LHFPL6: variants seen among roughly 807,000 people sequenced by gnomAD.
The protein encoded by LHFPL6 is LHFPL tetraspan subfamily member 6 protein.
LHFPL6 carries 9 observed loss-of-function variants against 20.6 expected under a neutral mutation model. The ratio of observed to expected loss-of-function variants is 0.44; its 90% CI spans 0.26 to 0.76. The LOEUF is 0.76. Among genes scored for constraint, LHFPL6 ranks in the 30% least tolerant of loss-of-function variants. LHFPL6 has a pLI of 0.20. For missense variants in LHFPL6, 218 were observed against 253.5 expected (o/e 0.86, Z 0.95); for synonymous variants, 105 against 98.7 (o/e 1.06, Z -0.38).
chr13:39,460,430 C>A (rs1435039852), intron 2 of LHFPL6, among the ~76,000 whole-genome samples: 1 of 152,134 alleles, frequency 6.6e-6, no homozygotes, highest in Non-Finnish European at 1.5e-5. Flanking sequence ...ACAACCTGGG[C>A]ATTGGTCTAA....
intron 2 of LHFPL6, among the ~76,000 whole-genome samples, chr13:39,450,614 A>G (rs1467526697): frequency 6.6e-6 from 1 of 152,048 alleles, no homozygotes; most frequent in Non-Finnish European, 1.5e-5. Context: ...TTTTGCCTAC[A>G]CTCAGTAGGT....
At position 39,406,103 on chromosome 13, in the gene LHFPL6, C is replaced by T. The variant is rs527650254; in HGVS notation, c.386-27577G>A. Among the ~76,000 whole-genome samples the T allele has an allele frequency of 5.9e-5, 9 of 152,232 alleles. No individual in the cohort carries two copies. The South Asian group carries it at 1.9e-3, about 32-fold the overall frequency. On this transcript the variant is annotated intron_variant, in intron 2 of 3. Transcript: ENST00000379589. ...CACAGTACAGTTTCGCTCCCTGGTC[C>T]AGCTCAGTCCTGTGCCACAGAAAGT...
intron 3 of LHFPL6, among the ~76,000 whole-genome samples, chr13:39,353,130 G>A (rs1284519928): frequency 6.7e-6 from 1 of 150,074 alleles, no homozygotes; most frequent in Non-Finnish European, 1.5e-5. Context: ...TTACAGGTGT[G>A]TGCCACCATG....
At chr13:39,424,014 G>A (rs1035605324) in intron 2 of LHFPL6, among the ~76,000 whole-genome samples, 15 of 152,258 alleles carry the variant, frequency 9.9e-5, no homozygotes, top group Non-Finnish European at 1.9e-4. Context: ...CAAGGGGAAG[G>A]AAGAAGGTAA....
At chr13:39,484,173 C>T (rs1421994643) in intron 2 of LHFPL6, among the ~76,000 whole-genome samples, 1 of 152,170 alleles carries the variant, frequency 6.6e-6, no homozygotes, top group East Asian at 1.9e-4. Context: ...TTCAGATTCA[C>T]AGAGCCAACT....
rs538722358 is a variant in LHFPL6 at position 39,528,596 on chromosome 13, G to A, written c.385+72236C>T. Among the ~76,000 whole-genome samples the A allele has an allele frequency of 5.3e-5, 8 of 152,244 alleles. No homozygotes were observed. In the Middle Eastern group the frequency reaches 0.014, roughly 259 times the overall value. On this transcript the variant is annotated intron_variant, in intron 2 of 3. Coordinates refer to ENST00000379589, the MANE Select transcript of LHFPL6 (RefSeq NM_005780.3). ...GCCACTTTTACAAATAAACTTCCAC[G>A]TTTCCCATCTCGCTCTATGATACTA...
chr13:39,514,560 C>CAA, intron 2 of LHFPL6, among the ~76,000 whole-genome samples: 1 of 152,180 alleles, frequency 6.6e-6, no homozygotes, highest in Non-Finnish European at 1.5e-5. Flanking sequence ...CCAAGCTACC[C>CAA]ATGAACACAA....
At chr13:39,485,522 G>T (rs1243486048) in intron 2 of LHFPL6, among the ~76,000 whole-genome samples, 1 of 152,128 alleles carries the variant, frequency 6.6e-6, no homozygotes, top group Non-Finnish European at 1.5e-5. Context: ...GCTTACTAGA[G>T]CCCTGATAGA....
intron 2 of LHFPL6, among the ~76,000 whole-genome samples, chr13:39,513,870 G>A (rs7981122): frequency 0.32 from 48,848 of 151,812 alleles, 9,237 homozygotes; most frequent in African/African-American, 0.54. Context: ...GATCCCTACC[G>A]TACTGGATAT....
chr13:39,551,508 A>C (rs545902731), intron 2 of LHFPL6, among the ~76,000 whole-genome samples: 1 of 152,324 alleles, frequency 6.6e-6, no homozygotes, highest in Admixed American at 6.5e-5. Context: ...AAAACATAGC[A>C]ATTTTGAAAT....
chr13:39,363,440 T>G (rs77710342), intron 3 of LHFPL6, among the ~76,000 whole-genome samples: 7,539 of 152,202 alleles, frequency 0.05, 290 homozygotes, highest in South Asian at 0.17. Context: ...AGAAGCCAGA[T>G]AGTAAATATT....
chr13:39,530,412 T>A (rs1437975826), intron 2 of LHFPL6, among the ~76,000 whole-genome samples: 16 of 151,990 alleles, frequency 1.1e-4, no homozygotes, highest in Admixed American at 1.0e-3. Context: ...TGGAGCACCA[T>A]ATCTGCCTCT....
chr13:39,428,787 T>C lies in LHFPL6; in HGVS notation c.386-50261A>G, dbSNP rs139630647. Among the ~76,000 whole-genome samples the C allele has an allele frequency of 2.2e-3, 338 of 152,322 alleles. 6 individuals are homozygous for C. The South Asian group carries it at 0.037, about 17-fold the overall frequency. The stretch of plus-strand genomic sequence containing the variant: ...AAGTTGATTTGAGACACTTCTATTC[T>C]AATGGAGCAATACTCTTTTAGACTG... On this transcript the variant is annotated intron_variant, in intron 2 of 3. Transcript: ENST00000379589.
chr13:39,515,115 A>G (rs1869863506), intron 2 of LHFPL6, among the ~76,000 whole-genome samples: 1 of 152,156 alleles, frequency 6.6e-6, no homozygotes. Context: ...TACCTCTAAC[A>G]GCTCTGCCCA....
intron 2 of LHFPL6, among the ~76,000 whole-genome samples, chr13:39,475,138 G>A (rs995064301): frequency 6.6e-6 from 1 of 152,154 alleles, no homozygotes; most frequent in African/African-American, 2.4e-5. Flanking sequence ...GAGCTGAGTA[G>A]TGGAGCTGGG....
intron 2 of LHFPL6, among the ~76,000 whole-genome samples, chr13:39,418,382 C>CTTTTTTTTTTTTTT (rs71077297): frequency 7.7e-6 from 1 of 129,738 alleles, no homozygotes; most frequent in Non-Finnish European, 1.6e-5. Flanking sequence ...TTTTTTTGGT[C>CTTTTTTTTTTTTTT]TTTTTTTTTT....
intron 2 of LHFPL6, among the ~76,000 whole-genome samples, chr13:39,405,940 G>A (rs2138382725): frequency 6.6e-6 from 1 of 152,266 alleles, no homozygotes. Flanking sequence ...TAAAGCAAAG[G>A]ACGGAATTTG....
At chr13:39,464,700 CTT>C (rs57418375) in intron 2 of LHFPL6, among the ~76,000 whole-genome samples, 3,242 of 137,846 alleles carry the variant, frequency 0.024, 98 homozygotes, top group African/African-American at 0.078. Flanking sequence ...AAAGCACAGT[CTT>C]TTTTTTTTTT....
intron 2 of LHFPL6, among the ~76,000 whole-genome samples, chr13:39,598,461 T>A (rs2138555372): frequency 6.6e-6 from 1 of 152,310 alleles, no homozygotes; most frequent in African/African-American, 2.4e-5. Context: ...CCCTCTTAGA[T>A]TTTACATCCA....
Sources: gnomAD v4.1 joint callset for allele counts (sites outside exome capture counted in the v4.1 genomes callset) on GRCh38, gnomAD v4.1.1 for gene constraint, MANE v1.5 for transcripts, NCBI Gene and HGNC (gene_info 2026-07-23, HGNC 2026-07-21) for gene names.